The following RBMS1 variants were observed in gnomAD, a reference collection of about 807,000 sequenced individuals.
The protein encoded by RBMS1 is RNA binding motif single stranded interacting protein 1.
Under a neutral mutation model 62.3 loss-of-function variants are expected in RBMS1, and 17 were observed. The ratio of observed to expected loss-of-function variants is 0.27; its 90% confidence interval spans 0.19 to 0.41. The LOEUF (loss-of-function observed/expected upper bound fraction) is 0.41. Ranked by LOEUF, RBMS1 falls within the 10% of genes least tolerant of loss-of-function variation. The pLI is 1.00. For missense variants in RBMS1, 334 were observed against 504.5 expected (o/e 0.66, Z 3.24); for synonymous variants, 172 against 170.0 (o/e 1.01, Z -0.09).
intron 2 of RBMS1, among the ~76,000 whole-genome samples, chr2:160,359,186 T>C (rs1692984449): frequency 6.6e-6 from 1 of 152,022 alleles, no homozygotes; most frequent in Non-Finnish European, 1.5e-5. Context: ...AGAGAAGCTA[T>C]TTCCTTATAT....
intron 2 of RBMS1, among the ~76,000 whole-genome samples, chr2:160,325,231 C>T (rs866953399): frequency 2.0e-5 from 3 of 152,066 alleles, no homozygotes; most frequent in Middle Eastern, 3.4e-3. Context: ...GGGTGGACTC[C>T]GTAATTGCTA....
At chr2:160,440,375 TTGA>T (rs1412162672) in intron 1 of RBMS1, among the ~76,000 whole-genome samples, 4 of 152,144 alleles carry the variant, frequency 2.6e-5, no homozygotes, top group Non-Finnish European at 5.9e-5. Context: ...CATCCCTGAC[TTGA>T]TGATGCTTCC....
intron 1 of RBMS1, among the ~76,000 whole-genome samples, chr2:160,474,864 T>G (rs1273647385): frequency 6.6e-6 from 1 of 152,210 alleles, no homozygotes; most frequent in Non-Finnish European, 1.5e-5. Flanking sequence ...TAACTCAATG[T>G]CCTGCAAAGT....
rs146921119 is a variant in RBMS1 at position 160,415,373 on chromosome 2, G to A, written c.76-47982C>T. ...TACCTATGTATGTGAGCAAACTGTG[G>A]GTAAAAGACAAGAGCTGAGGTGAGG... On this transcript the variant is annotated intron_variant, in intron 1 of 13. Coordinates refer to ENST00000348849, the MANE Select transcript of RBMS1 (RefSeq NM_016836.4). Among the ~76,000 whole-genome samples, 6 of 152,088 alleles carry A rather than the reference G, an allele frequency of 3.9e-5. No individual in the cohort carries two copies. In the East Asian group the frequency reaches 1.2e-3, roughly 29 times the overall value.
chr2:160,455,838 C>T (rs952325830), intron 1 of RBMS1, among the ~76,000 whole-genome samples: 4 of 151,808 alleles, frequency 2.6e-5, no homozygotes, highest in Admixed American at 1.3e-4. Context: ...CGCCCGCTAC[C>T]ACGCCCGGCT....
At chr2:160,351,960 C>T (rs541314271) in intron 2 of RBMS1, among the ~76,000 whole-genome samples, 1 of 152,068 alleles carries the variant, frequency 6.6e-6, no homozygotes, top group East Asian at 1.9e-4. Context: ...CACCACAAGA[C>T]AAAAATAGAT....
intron 1 of RBMS1, among the ~76,000 whole-genome samples, chr2:160,442,996 A>G (rs1683474242): frequency 6.6e-6 from 1 of 152,176 alleles, no homozygotes; most frequent in African/African-American, 2.4e-5. Context: ...ACTTGAGGTC[A>G]GGAGTTCGAG....
intron 1 of RBMS1, among the ~76,000 whole-genome samples, chr2:160,399,966 C>T (rs2105229667): frequency 6.6e-6 from 1 of 152,338 alleles, no homozygotes; most frequent in African/African-American, 2.4e-5. Flanking sequence ...GATACATCAA[C>T]TAGCAAAGTA....
intron 1 of RBMS1, among the ~76,000 whole-genome samples, chr2:160,371,479 A>G (rs1441056827): frequency 1.3e-5 from 2 of 152,190 alleles, no homozygotes; most frequent in Non-Finnish European, 2.9e-5. Flanking sequence ...TCTCTAGCCT[A>G]ATTTTTCCTG....
chr2:160,463,019 A>C (rs1464057567), intron 1 of RBMS1, among the ~76,000 whole-genome samples: 2 of 152,230 alleles, frequency 1.3e-5, no homozygotes, highest in Non-Finnish European at 2.9e-5. Context: ...ACATGAAAGG[A>C]AAATCATAGC....
intron 1 of RBMS1, among the ~76,000 whole-genome samples, chr2:160,441,057 T>C (rs566341029): frequency 8.5e-5 from 13 of 152,382 alleles, no homozygotes; most frequent in African/African-American, 3.1e-4. Context: ...CCAACCACTG[T>C]CTGATGTCTG....
At chr2:160,462,200 G>A (rs956311575) in intron 1 of RBMS1, among the ~76,000 whole-genome samples, 4 of 152,164 alleles carry the variant, frequency 2.6e-5, no homozygotes, top group African/African-American at 9.7e-5. Flanking sequence ...ACAACCTGTT[G>A]CCTTGTGAGA....
At chr2:160,290,217 T>C (rs1404764157) in intron 6 of RBMS1, among the ~76,000 whole-genome samples, 2 of 150,400 alleles carry the variant, frequency 1.3e-5, no homozygotes, top group Non-Finnish European at 1.5e-5. Flanking sequence ...CAGTAGCTTG[T>C]TCTATAGAGC....
intron 1 of RBMS1, among the ~76,000 whole-genome samples, chr2:160,403,375 C>A (rs774228548): frequency 2.6e-5 from 4 of 152,202 alleles, no homozygotes; most frequent in Non-Finnish European, 5.9e-5. Flanking sequence ...CTTCTATGCA[C>A]AAGTTTAATC....
intron 1 of RBMS1, among the ~76,000 whole-genome samples, chr2:160,395,623 C>CA (rs776181927): frequency 0.072 from 3,652 of 51,006 alleles, 162 homozygotes; most frequent in East Asian, 0.13. Flanking sequence ...GACTCCGTCT[C>CA]AAAAAAAAAA....
chr2:160,364,739 G>C (rs562379762), intron 2 of RBMS1, among the ~76,000 whole-genome samples: 1 of 152,124 alleles, frequency 6.6e-6, no homozygotes, highest in Admixed American at 6.5e-5. Context: ...TGGACTTCAT[G>C]CACTGTTTGT....
chr2:160,439,146 G>A (rs1211585339), intron 1 of RBMS1, among the ~76,000 whole-genome samples: 2 of 143,130 alleles, frequency 1.4e-5, no homozygotes, highest in Non-Finnish European at 3.1e-5. Context: ...GCGGGGGGCT[G>A]ATCCCCCCAC....
intron 1 of RBMS1, among the ~76,000 whole-genome samples, chr2:160,481,033 A>G (rs1685346898): frequency 6.7e-6 from 1 of 150,356 alleles, no homozygotes; most frequent in Non-Finnish European, 1.5e-5. Flanking sequence ...GTGAGCCTAG[A>G]TCACGCCACT....
At chr2:160,438,691 C>A (rs1559550747) in intron 1 of RBMS1, among the ~76,000 whole-genome samples, 1 of 152,266 alleles carries the variant, frequency 6.6e-6, no homozygotes, top group Non-Finnish European at 1.5e-5. Context: ...CATCCGATTT[C>A]TCAGTCTTTT....
Sources: gnomAD v4.1 joint callset for allele counts (sites outside exome capture counted in the v4.1 genomes callset) on GRCh38, gnomAD v4.1.1 for gene constraint, MANE v1.5 for transcripts, NCBI Gene and HGNC (gene_info 2026-07-23, HGNC 2026-07-21) for gene names.